LRRC4C: variants seen among roughly 807,000 people sequenced by gnomAD.
LRRC4C encodes leucine rich repeat containing 4C.
LRRC4C carries 5 observed loss-of-function variants against 33.6 expected under a neutral mutation model. That is an observed-to-expected ratio of 0.15 (90% CI 0.08 to 0.31). The LOEUF (loss-of-function observed/expected upper bound fraction) is 0.31. LRRC4C is among the 10% of genes least tolerant of loss of function. The pLI is 1.00. For synonymous variants in LRRC4C, 329 were observed against 302.0 expected (o/e 1.09, Z -0.93); for missense variants, 560 against 796.7 (o/e 0.70, Z 3.58).
At chr11:41,001,728 T>C (rs914274437) in intron 1 of LRRC4C, among the ~76,000 whole-genome samples, 7 of 152,304 alleles carry the variant, frequency 4.6e-5, no homozygotes, top group Admixed American at 3.9e-4. Flanking sequence ...CGTTTATTGA[T>C]GAGATGATTT....
At chr11:41,404,244 G>C (rs766315420) in intron 1 of LRRC4C, among the ~76,000 whole-genome samples, 7 of 151,900 alleles carry the variant, frequency 4.6e-5, no homozygotes, top group African/African-American at 1.2e-4. Flanking sequence ...ATATTCCCAA[G>C]TTTCCCCAAG....
chr11:40,923,584 C>T (rs1957282319), intron 2 of LRRC4C, among the ~76,000 whole-genome samples: 1 of 152,130 alleles, frequency 6.6e-6, no homozygotes, highest in Admixed American at 6.5e-5. Context: ...AGTAAAATGA[C>T]ATAGAACAGA....
chr11:40,608,518 A>C (rs1960872669), intron 3 of LRRC4C, among the ~76,000 whole-genome samples: 1 of 152,144 alleles, frequency 6.6e-6, no homozygotes, highest in Non-Finnish European at 1.5e-5. Context: ...TTGAGAAAAT[A>C]ACAATAGAAA....
chr11:41,138,558 A>G (rs1289470060), intron 1 of LRRC4C, among the ~76,000 whole-genome samples: 1 of 152,208 alleles, frequency 6.6e-6, no homozygotes, highest in African/African-American at 2.4e-5. Context: ...TAAAAAGGAC[A>G]TGAAAATGAT....
intron 1 of LRRC4C, among the ~76,000 whole-genome samples, chr11:41,437,425 G>GCGCA (rs370615249): frequency 2.0e-5 from 3 of 149,160 alleles, no homozygotes; most frequent in Admixed American, 1.3e-4. Context: ...GCGCGCGCGC[G>GCGCA]CACACACACA....
At chr11:41,174,712 T>C (rs1177030722) in intron 1 of LRRC4C, among the ~76,000 whole-genome samples, 2 of 152,202 alleles carry the variant, frequency 1.3e-5, no homozygotes, top group African/African-American at 4.8e-5. Context: ...GTTTAAATGA[T>C]CAACTATATC....
chr11:41,313,159 G>C (rs868657021), intron 1 of LRRC4C, among the ~76,000 whole-genome samples: 5 of 152,154 alleles, frequency 3.3e-5, no homozygotes, highest in Admixed American at 6.5e-5. Context: ...CCAGTTCCAG[G>C]GTTGGTTAAA....
At chr11:40,960,648 C>A (rs1056481833) in intron 1 of LRRC4C, among the ~76,000 whole-genome samples, 3 of 151,684 alleles carry the variant, frequency 2.0e-5, no homozygotes, top group Admixed American at 1.3e-4. Context: ...GAAAACTAAA[C>A]ATGTTGGTCA....
chr11:40,285,874 C>T (rs554106341), intron 4 of LRRC4C, among the ~76,000 whole-genome samples: 13 of 152,230 alleles, frequency 8.5e-5, no homozygotes, highest in South Asian at 6.2e-4. Flanking sequence ...TCAGCAGATA[C>T]GCAGTTCCTA....
At chr11:40,347,016 C>T (rs1387543433) in intron 3 of LRRC4C, among the ~76,000 whole-genome samples, 1 of 152,174 alleles carries the variant, frequency 6.6e-6, no homozygotes, top group Non-Finnish European at 1.5e-5. Context: ...TGCATTAACT[C>T]CTAATAAGAG....
chr11:40,850,733 G>T (rs770163855), intron 2 of LRRC4C, among the ~76,000 whole-genome samples: 1 of 152,182 alleles, frequency 6.6e-6, no homozygotes, highest in African/African-American at 2.4e-5. Context: ...ACCCACAGCC[G>T]CCCCTTCCCC....
At chr11:40,305,928 T>C (rs1205316807) in intron 4 of LRRC4C, among the ~76,000 whole-genome samples, 2 of 152,236 alleles carry the variant, frequency 1.3e-5, no homozygotes, top group Admixed American at 6.5e-5. Flanking sequence ...TGATACCAAG[T>C]TGTGCGTTAC....
intron 3 of LRRC4C, among the ~76,000 whole-genome samples, chr11:40,576,223 C>A (rs1460926151): frequency 6.6e-6 from 1 of 152,192 alleles, no homozygotes; most frequent in South Asian, 2.1e-4. Context: ...ATTAGGATTT[C>A]TCAACCAGCA....
intron 3 of LRRC4C, among the ~76,000 whole-genome samples, chr11:40,482,457 AT>A (rs113440608): frequency 0.031 from 4,616 of 146,770 alleles, 228 homozygotes; most frequent in African/African-American, 0.1. Flanking sequence ...AATTACAGGA[AT>A]TTTTTTTTTT....
chr11:40,177,810 C>T (rs1465201996), intron 5 of LRRC4C, among the ~76,000 whole-genome samples: 1 of 152,116 alleles, frequency 6.6e-6, no homozygotes, highest in African/African-American at 2.4e-5. Context: ...TTTTCCCTCA[C>T]TTAACAAGAA....
At chr11:40,136,292 G>A (rs989565583) in intron 6 of LRRC4C, among the ~76,000 whole-genome samples, 3 of 151,838 alleles carry the variant, frequency 2.0e-5, no homozygotes, top group African/African-American at 7.3e-5. Context: ...TTGATATGGA[G>A]TCTTCGCTCT....
intron 1 of LRRC4C, among the ~76,000 whole-genome samples, chr11:41,256,447 C>T (rs1948802681): frequency 6.6e-6 from 1 of 151,952 alleles, no homozygotes; most frequent in African/African-American, 2.4e-5. Context: ...CCATTCCAAA[C>T]ATCAACTGGC....
At chr11:41,255,902 A>G (rs1391869763) in intron 1 of LRRC4C, among the ~76,000 whole-genome samples, 1 of 151,924 alleles carries the variant, frequency 6.6e-6, no homozygotes, top group Non-Finnish European at 1.5e-5. Flanking sequence ...TCAGGTAGTC[A>G]ATACAACTTC....
At chr11:40,258,813 C>T (rs1020580) in intron 4 of LRRC4C, among the ~76,000 whole-genome samples, 106,113 of 152,134 alleles carry the variant, frequency 0.7, 39,082 homozygotes, top group East Asian at 0.91. Context: ...AGCAGAAATA[C>T]AGTTCACTTG....
Sources: gnomAD v4.1 joint callset for allele counts (sites outside exome capture counted in the v4.1 genomes callset) on GRCh38, gnomAD v4.1.1 for gene constraint, MANE v1.5 for transcripts, NCBI Gene and HGNC (gene_info 2026-07-23, HGNC 2026-07-21) for gene names.